Variants in EPHA3 observed in about 807,000 individuals in gnomAD.
EPHA3 encodes the protein ephrin type-A receptor 3.
Under a neutral mutation model 107.1 loss-of-function variants are expected in EPHA3, and 42 were observed. The ratio of observed to expected loss-of-function variants is 0.39; its 90% CI spans 0.31 to 0.51. EPHA3 has a LOEUF of 0.51. Ranked by LOEUF, EPHA3 falls within the 20% of genes least tolerant of loss-of-function variation. The pLI, the probability that EPHA3 is intolerant of heterozygous loss-of-function variation, is 0.78. For missense variants in EPHA3, 1,183 were observed against 1,211.2 expected (o/e 0.98, Z 0.35); for synonymous variants, 461 against 424.8 (o/e 1.09, Z -1.05).
intron 5 of EPHA3, among the ~76,000 whole-genome samples, chr3:89,357,280 G>C (rs1362637806): frequency 2.0e-5 from 3 of 150,442 alleles, no homozygotes; most frequent in Non-Finnish European, 4.5e-5. Context: ...GTTGTGACAG[G>C]AGACAAAGAT....
chr3:89,394,615 A>C (rs994421921), intron 5 of EPHA3, among the ~76,000 whole-genome samples: 1 of 152,226 alleles, frequency 6.6e-6, no homozygotes, highest in Non-Finnish European at 1.5e-5. Flanking sequence ...AAAAGTGTTT[A>C]TAGATAGGAA....
intron 2 of EPHA3, among the ~76,000 whole-genome samples, chr3:89,204,036 A>T (rs907570117): frequency 1.3e-5 from 2 of 152,130 alleles, no homozygotes; most frequent in Non-Finnish European, 2.9e-5. Flanking sequence ...AACCACAGAA[A>T]GTACTGAGGT....
At chr3:89,128,102 A>T (rs1339322988) in intron 2 of EPHA3, among the ~76,000 whole-genome samples, 1 of 152,106 alleles carries the variant, frequency 6.6e-6, no homozygotes, top group African/African-American at 2.4e-5. Flanking sequence ...AAATTTATGT[A>T]TTCCTGTCCT....
At chr3:89,181,576 C>T (rs1235988586) in intron 2 of EPHA3, among the ~76,000 whole-genome samples, 1 of 151,876 alleles carries the variant, frequency 6.6e-6, no homozygotes, top group Admixed American at 6.6e-5. Context: ...ATACTTAATA[C>T]TGCGGTGTTT....
intron 2 of EPHA3, among the ~76,000 whole-genome samples, chr3:89,136,262 C>T (rs1704306967): frequency 6.8e-6 from 1 of 146,634 alleles, no homozygotes; most frequent in South Asian, 2.1e-4. Context: ...GTCACTTTCA[C>T]CTATTATGCT....
chr3:89,120,933 G>A (rs545706693), intron 1 of EPHA3, among the ~76,000 whole-genome samples: 1 of 152,284 alleles, frequency 6.6e-6, no homozygotes, highest in Non-Finnish European at 1.5e-5. Context: ...GTTTAACATG[G>A]CAGCATTTAA....
chr3:89,194,990 A>T (rs1169276965), intron 2 of EPHA3, among the ~76,000 whole-genome samples: 1 of 152,026 alleles, frequency 6.6e-6, no homozygotes, highest in African/African-American at 2.4e-5. Flanking sequence ...CCCTGTACAC[A>T]CAAGCATTTC....
intron 3 of EPHA3, among the ~76,000 whole-genome samples, chr3:89,320,419 G>A (rs2107378172): frequency 6.6e-6 from 1 of 152,116 alleles, no homozygotes; most frequent in South Asian, 2.1e-4. Flanking sequence ...AGAGGAACTT[G>A]AGATAAGAAA....
At chr3:89,330,262 T>C (rs1374597648) in intron 3 of EPHA3, among the ~76,000 whole-genome samples, 1 of 151,954 alleles carries the variant, frequency 6.6e-6, no homozygotes, top group Non-Finnish European at 1.5e-5. Flanking sequence ...AAAATTACAC[T>C]AACTCTTACT....
At chr3:89,257,962 A>G (rs1333346015) in intron 3 of EPHA3, among the ~76,000 whole-genome samples, 1 of 152,238 alleles carries the variant, frequency 6.6e-6, no homozygotes, top group African/African-American at 2.4e-5. Context: ...AATTTTTAAA[A>G]ATTAATTACA....
intron 16 of EPHA3, among the ~76,000 whole-genome samples, chr3:89,476,804 A>G (rs200862938): frequency 6.6e-6 from 1 of 151,564 alleles, no homozygotes; most frequent in East Asian, 2.0e-4. Context: ...GAGACGGGGT[A>G]TCACCGCGTT....
intron 3 of EPHA3, among the ~76,000 whole-genome samples, chr3:89,287,615 A>G: frequency 6.6e-6 from 1 of 152,154 alleles, no homozygotes; most frequent in East Asian, 1.9e-4. Flanking sequence ...ACCTCCCACC[A>G]AAATACCCAG....
chr3:89,219,688 G>GTGTTTTTTTTTTTTTTTTTTTTTGTGTTT, intron 3 of EPHA3, among the ~76,000 whole-genome samples: 1 of 34,440 alleles, frequency 2.9e-5, no homozygotes, highest in Non-Finnish European at 5.2e-5. Context: ...ATTTGGCAAT[G>GTGTTTTTTTTTTTTTTTTTTTTTGTGTTT]TTTTTTTTTT....
Position 89,479,507 on chromosome 3 carries a change from CG to C in EPHA3, c.*8del. 6.2e-7 allele frequency: 1 copy of C among 1,610,088 alleles called. No homozygotes were observed. The highest frequency in any genetic ancestry group is 1.3e-5 in the African/African-American group (1 of 74,796). ...AATGGCCCAGTTCCCGTGTAAAGCA[CG>C]GGACGGAAGTGCTTCTGGACGGAAG... On this transcript the variant is annotated 3_prime_UTR_variant, in exon 17 of 17. Transcript: ENST00000336596.
chr3:89,326,444 A>G (rs1707168046), intron 3 of EPHA3, among the ~76,000 whole-genome samples: 1 of 152,138 alleles, frequency 6.6e-6, no homozygotes, highest in Non-Finnish European at 1.5e-5. Context: ...GCTGGAGTGC[A>G]GTAATGCAAT....
intron 15 of EPHA3, among the ~76,000 whole-genome samples, chr3:89,451,361 T>C (rs1709986253): frequency 6.6e-6 from 1 of 152,196 alleles, no homozygotes; most frequent in African/African-American, 2.4e-5. Flanking sequence ...AAATAAATAT[T>C]AATATATTTG....
intron 1 of EPHA3, among the ~76,000 whole-genome samples, chr3:89,111,515 C>CT (rs943282539): frequency 2.9e-5 from 4 of 136,988 alleles, no homozygotes; most frequent in Non-Finnish European, 4.8e-5. Context: ...ACATCCCCCC[C>CT]CCACCCCGCC....
At chr3:89,169,468 TC>T (rs1454750411) in intron 2 of EPHA3, among the ~76,000 whole-genome samples, 2 of 152,204 alleles carry the variant, frequency 1.3e-5, no homozygotes, top group Non-Finnish European at 2.9e-5. Context: ...TTCTTGCTTT[TC>T]ATGTATAGAA....
At chr3:89,190,051 C>T (rs1705670556) in intron 2 of EPHA3, among the ~76,000 whole-genome samples, 1 of 152,140 alleles carries the variant, frequency 6.6e-6, no homozygotes, top group Non-Finnish European at 1.5e-5. Context: ...TATTAAACAT[C>T]CTCTATCTGT....
Sources: gnomAD v4.1 joint callset for allele counts (sites outside exome capture counted in the v4.1 genomes callset) on GRCh38, gnomAD v4.1.1 for gene constraint, MANE v1.5 for transcripts, NCBI Gene and HGNC (gene_info 2026-07-23, HGNC 2026-07-21) for gene names.